The following GIPC2 variants were observed in gnomAD, a reference collection of about 807,000 sequenced individuals.
GIPC2 encodes GIPC PDZ domain containing family member 2, also known as PDZ domain-containing protein GIPC2.
A neutral mutation model predicts 30.6 loss-of-function variants in GIPC2; 30 were observed. The observed-to-expected ratio is 0.98, with a 90% confidence interval of 0.73 to 1.33. The LOEUF is 1.33. Ranked by LOEUF, GIPC2 falls within the 40% of genes most tolerant of loss-of-function variation. The probability of loss-of-function intolerance (pLI) is 0.00; values close to 1 mark genes in which losing one functional copy is unlikely to be tolerated. For missense variants in GIPC2, 414 were observed against 390.3 expected (o/e 1.06, Z -0.51); for synonymous variants, 167 against 150.0 (o/e 1.11, Z -0.83).
In GIPC2 at chr1:78,066,725, C is replaced by T. The variant is rs554692346; in HGVS notation, c.241-13950C>T. Among the ~76,000 whole-genome samples the T allele has an allele frequency of 4.3e-4, 66 of 152,304 alleles. 1 individual carries two copies. Among genetic ancestry groups the T allele is most frequent in the African/African-American group, 1.5e-3 (62 of 41,570 alleles). On this transcript the variant is annotated intron_variant, in intron 1 of 5. Transcript: ENST00000370759. The stretch of plus-strand genomic sequence containing the variant: ...GCCATAAAAAGAACAAAATCATGCC[C>T]TTTGCAGGAATGTGGATGGAGCTGG...
intron 3 of GIPC2, among the ~76,000 whole-genome samples, chr1:78,119,111 C>G (rs1306995238): frequency 6.6e-6 from 1 of 152,008 alleles, no homozygotes; most frequent in African/African-American, 2.4e-5. Flanking sequence ...TTTTGTAGAG[C>G]CTACTGTTTT....
In GIPC2 at chr1:78,046,325, G is replaced by A. The variant is rs751081699; in HGVS notation, c.231G>A (p.Ser77=). Residue 77 remains serine (S), a synonymous_variant, in exon 1 of 6, where the codon TCG becomes TCA. Transcript: ENST00000370759. ...AGATCGCGGGCGCGTTTGAAATCTC[G>A]CCGTCGGAGGTAAGGCGCCAGGTGC... ...YAQIAGAFEI[S]PSEILYCTLN... is the part of the protein sequence containing the mutation. The A allele has an allele frequency of 2.2e-5, 36 of 1,610,146 alleles. No individual in the cohort carries two copies. The African/African-American group carries it at 3.9e-4, about 17-fold the overall frequency.
intron 1 of GIPC2, among the ~76,000 whole-genome samples, chr1:78,064,580 G>C (rs903998846): frequency 6.6e-5 from 10 of 152,132 alleles, no homozygotes; most frequent in Non-Finnish European, 7.4e-5. Flanking sequence ...GCGGGAGTGA[G>C]TGGGGATGGG....
At chr1:78,045,598 C>G (rs1196036868), upstream of GIPC2, 1 of 985,310 alleles carries the variant, frequency 1.0e-6, no homozygotes, top group Admixed American at 6.2e-5. Context: ...CAATTCTGCC[C>G]TGCAGAGCGT....
chr1:78,048,107 G>A (rs1265826294), intron 1 of GIPC2, among the ~76,000 whole-genome samples: 1 of 152,110 alleles, frequency 6.6e-6, no homozygotes, highest in East Asian at 1.9e-4. Context: ...TGGGTTTATT[G>A]GGGTATTAAA....
chr1:78,125,915 T>C lies in GIPC2; in HGVS notation c.749T>C (p.Ile250Thr), dbSNP rs1207791329. The C allele has an allele frequency of 8.2e-6, 13 of 1,591,096 alleles. No individual in the cohort carries two copies. In the South Asian group the frequency reaches 1.4e-4, roughly 18 times the overall value. ...ACCAAAGCAAAGGCAATTGAAAAGATTGATGATGTTCTTGAGTTGTACATG... is the reference window on the plus strand; with the variant it reads ...ACCAAAGCAAAGGCAATTGAAAAGACTGATGATGTTCTTGAGTTGTACATG... ...SETKAKAIEK[I>T]DDVLELYMGI... Residue 250 changes from isoleucine (I) to threonine (T), a missense_variant, in exon 5 of 6, where the codon ATT becomes ACT. Coordinates refer to ENST00000370759, the MANE Select transcript of GIPC2 (RefSeq NM_017655.6).
intron 2 of GIPC2, among the ~76,000 whole-genome samples, chr1:78,094,026 G>A (rs954152656): frequency 6.6e-6 from 1 of 152,068 alleles, no homozygotes; most frequent in African/African-American, 2.4e-5. Flanking sequence ...AGACCAACTT[G>A]AAGTTTCTCC....
rs543603065 is a variant in GIPC2 at position 78,109,697 on chromosome 1, A to G, written c.608-9696A>G. Among the ~76,000 whole-genome samples the G allele has an allele frequency of 2.0e-5, 3 of 152,284 alleles. No homozygotes were observed. The South Asian group carries it at 6.2e-4, about 32-fold the overall frequency. ...ACCTTTGACTTACCCCAAATAATTT[A>G]CCTTGACTATCCCTAGATGAATATA... is the stretch of plus-strand genomic sequence containing the variant. On this transcript the variant is annotated intron_variant, in intron 3 of 5. Transcript: ENST00000370759.
intron 3 of GIPC2, among the ~76,000 whole-genome samples, chr1:78,114,154 A>C (rs1662524815): frequency 6.6e-6 from 1 of 152,142 alleles, no homozygotes; most frequent in Admixed American, 6.5e-5. Context: ...CGGCCAGTAC[A>C]CTCAACTGGG....
intron 1 of GIPC2, among the ~76,000 whole-genome samples, chr1:78,047,931 C>G (rs12121914): frequency 0.11 from 16,325 of 152,188 alleles, 1,100 homozygotes; most frequent in Middle Eastern, 0.24. Context: ...AGCTAGTGAG[C>G]TTGTTAGCAT....
chr1:78,125,881 C>T lies in GIPC2; in HGVS notation c.715C>T (p.Pro239Ser). Reference sequence around the variant, plus strand: ...CTTATTTCTCTCTTTTTTGATAAAGCCTTCTGAAACCAAAGCAAAGGCAAT... The same window carrying T: ...CTTATTTCTCTCTTTTTTGATAAAGTCTTCTGAAACCAAAGCAAAGGCAAT... ...SKGPATVEEMPSETKAKAIEK... is the reference protein window; with the variant it reads ...SKGPATVEEMSSETKAKAIEK... The change falls in exon 5 of 6, where the codon CCT becomes TCT. Residue 239 changes from proline (P) to serine (S), a missense_variant and splice_region_variant. Transcript: ENST00000370759. The T allele has an allele frequency of 6.5e-7, 1 of 1,534,286 alleles. No homozygotes were observed. The highest frequency in any genetic ancestry group is 9.0e-7 in the Non-Finnish European group (1 of 1,108,006).
rs1340826197 is a variant in GIPC2, at chr1:78,135,665, T to C, written c.870T>C (p.Leu290=). The C allele has an allele frequency of 6.2e-7, 1 of 1,612,494 alleles. No homozygotes were observed. Among genetic ancestry groups the C allele is most frequent in the South Asian group, 1.1e-5 (1 of 90,910 alleles). The change falls in exon 6 of 6, where the codon CTT becomes CTC. Residue 290 remains leucine, a synonymous_variant. Coordinates refer to ENST00000370759, the MANE Select transcript of GIPC2 (RefSeq NM_017655.6). ...DEFAVALDET[L]GDFAFPDEFV... is the part of the protein sequence containing the mutation. The stretch of plus-strand genomic sequence containing the variant: ...TTGCTGTGGCACTTGACGAAACTCT[T>C]GGAGACTTTGCGTTCCCAGACGAAT...
intron 1 of GIPC2, among the ~76,000 whole-genome samples, chr1:78,080,470 A>G (rs1388417567): frequency 6.6e-6 from 1 of 152,216 alleles, no homozygotes; most frequent in Non-Finnish European, 1.5e-5. Flanking sequence ...CCTGGCCTAC[A>G]GGAAACCCTC....
chr1:78,083,582 A>G (rs1350809143), intron 2 of GIPC2, among the ~76,000 whole-genome samples: 1 of 152,180 alleles, frequency 6.6e-6, no homozygotes, highest in Non-Finnish European at 1.5e-5. Context: ...TCTTACCTGA[A>G]TTAATTTTTC....
chr1:78,095,097 T>A lies in GIPC2; in HGVS notation c.572T>A (p.Phe191Tyr). 1 of 1,613,026 alleles carries A rather than the reference T, an allele frequency of 6.2e-7. No homozygotes were observed. Reference sequence around the variant, plus strand: ...AAGGAATTAAAAAAGGAGGAACTCTTTACTATGAAGTTAATAGAACCTAAG... The same window carrying A: ...AAGGAATTAAAAAAGGAGGAACTCTATACTATGAAGTTAATAGAACCTAAG... ...KLKELKKEEL[F>Y]TMKLIEPKKA... is the part of the protein sequence containing the mutation. Residue 191 changes from phenylalanine (F) to tyrosine (Y), a missense_variant, in exon 3 of 6, where the codon TTT becomes TAT. By Grantham distance (22) the Phe-to-Tyr change is conservative. Transcript: ENST00000370759.
intron 3 of GIPC2, among the ~76,000 whole-genome samples, chr1:78,104,334 CTCTTATTTT>C (rs1662304404): frequency 6.6e-6 from 1 of 152,008 alleles, no homozygotes; most frequent in Non-Finnish European, 1.5e-5. Context: ...GCTCTGAAAA[CTCTTATTTT>C]TCAGAGCTCT....
chr1:78,130,254 C>A (rs1265308479), intron 5 of GIPC2, among the ~76,000 whole-genome samples: 2 of 151,998 alleles, frequency 1.3e-5, no homozygotes, highest in Non-Finnish European at 2.9e-5. Context: ...AGGCGCCCAC[C>A]ACCATGGCCA....
At chr1:78,057,345 C>T (rs1661315792) in intron 1 of GIPC2, among the ~76,000 whole-genome samples, 1 of 152,034 alleles carries the variant, frequency 6.6e-6, no homozygotes, top group African/African-American at 2.4e-5. Flanking sequence ...TCAGCTATAC[C>T]CTCAGCAGAG....
At chr1:78,046,369 C>G (rs768366870) in intron 1 of GIPC2, 35 bp downstream of exon 1, 1 of 1,557,806 alleles carries the variant, frequency 6.4e-7, no homozygotes, top group Non-Finnish European at 8.8e-7. Flanking sequence ...TCCCGCCTCT[C>G]CGCCGCGCCG....
Sources: gnomAD v4.1 joint callset for allele counts (sites outside exome capture counted in the v4.1 genomes callset) on GRCh38, gnomAD v4.1.1 for gene constraint, MANE v1.5 for transcripts, NCBI Gene and HGNC (gene_info 2026-07-23, HGNC 2026-07-21) for gene names.